RASGRF1: variants seen among roughly 807,000 people sequenced by gnomAD.
RASGRF1 encodes ras-specific guanine nucleotide-releasing factor 1.
Under a neutral mutation model 138.7 loss-of-function variants are expected in RASGRF1, and 40 were observed. The ratio of observed to expected loss-of-function variants is 0.29; its 90% CI spans 0.22 to 0.38. The LOEUF (loss-of-function observed/expected upper bound fraction) is 0.38. Ranked by LOEUF, RASGRF1 falls within the 10% of genes least tolerant of loss-of-function variation. RASGRF1 has a pLI of 1.00. For missense variants in RASGRF1, 1,108 were observed against 1,650.4 expected (o/e 0.67, Z 5.69); for synonymous variants, 614 against 663.2 (o/e 0.93, Z 1.14).
chr15:78,970,773 C>T (rs2055741235), intron 26 of RASGRF1, among the ~76,000 whole-genome samples: 1 of 151,304 alleles, frequency 6.6e-6, no homozygotes, highest in South Asian at 2.1e-4. Context: ...GACTAACATG[C>T]CAACCATTCT....
chr15:78,982,826 A>G (rs895347050), intron 23 of RASGRF1, among the ~76,000 whole-genome samples: 1 of 152,112 alleles, frequency 6.6e-6, no homozygotes, highest in African/African-American at 2.4e-5. Flanking sequence ...GCGACACACA[A>G]ATCCACGTTA....
At chr15:78,991,560 C>T (rs2056267352) in intron 21 of RASGRF1, 131 bp downstream of exon 21, 6 of 688,940 alleles carry the variant, frequency 8.7e-6, no homozygotes, top group Non-Finnish European at 1.5e-5. Flanking sequence ...ATTCTGCTGA[C>T]CCAGGCACTA....
intron 3 of RASGRF1, among the ~76,000 whole-genome samples, chr15:79,055,722 C>T (rs2057501991): frequency 6.6e-6 from 1 of 152,172 alleles, no homozygotes; most frequent in South Asian, 2.1e-4. Flanking sequence ...GCAACATAAA[C>T]CCACACCTCC....
intron 1 of RASGRF1, among the ~76,000 whole-genome samples, chr15:79,079,997 G>A (rs931740884): frequency 6.6e-6 from 1 of 152,194 alleles, no homozygotes; most frequent in Non-Finnish European, 1.5e-5. Flanking sequence ...ACTCATGGGG[G>A]CATGCCCTAT....
intron 21 of RASGRF1, 122 bp downstream of exon 21, chr15:78,991,569 T>C (rs2056267748): frequency 1.4e-6 from 1 of 738,864 alleles, no homozygotes; most frequent in East Asian, 2.6e-5. Context: ...ACCCAGGCAC[T>C]ATTGTTTCAA....
intron 1 of RASGRF1, among the ~76,000 whole-genome samples, chr15:79,066,759 G>C (rs1023699513): frequency 6.6e-6 from 1 of 152,196 alleles, no homozygotes; most frequent in Non-Finnish European, 1.5e-5. Context: ...AAGGATGCCA[G>C]GAAGACCCTC....
At chr15:79,002,518 A>G (rs2056553981) in intron 15 of RASGRF1, among the ~76,000 whole-genome samples, 1 of 152,182 alleles carries the variant, frequency 6.6e-6, no homozygotes, top group Non-Finnish European at 1.5e-5. Flanking sequence ...GCACATGCAC[A>G]CGCACACACA....
chr15:78,968,662 G>A (rs1337377050), intron 26 of RASGRF1, among the ~76,000 whole-genome samples: 4 of 152,154 alleles, frequency 2.6e-5, no homozygotes, highest in African/African-American at 9.7e-5. Flanking sequence ...ATATGCAGTA[G>A]TGTGTTGGAG....
intron 26 of RASGRF1, among the ~76,000 whole-genome samples, chr15:78,963,125 C>T (rs1171032606): frequency 1.3e-5 from 2 of 152,112 alleles, no homozygotes; most frequent in African/African-American, 2.4e-5. Flanking sequence ...CACTCCTGCT[C>T]TGAAGCATTT....
chr15:79,063,330 G>A (rs980112805), intron 2 of RASGRF1, among the ~76,000 whole-genome samples: 6 of 152,148 alleles, frequency 3.9e-5, no homozygotes, highest in African/African-American at 1.2e-4. Flanking sequence ...CCTTATCTCA[G>A]GGCCAATGTC....
rs769951084 is a variant in RASGRF1 at position 78,962,132 on chromosome 15, C to G, written c.*12G>C. The G allele has an allele frequency of 1.8e-5, 27 of 1,516,692 alleles. No homozygotes were observed. The Middle Eastern group carries it at 2.2e-3, about 124-fold the overall frequency. The allele number at this position is 1,516,692 out of a possible 1,614,324, so 94.0% of individuals were successfully genotyped here. A position where few individuals can be genotyped will look rare whatever the true frequency, so the allele number is the denominator to read the frequency against. On this transcript the variant is annotated 3_prime_UTR_variant, in exon 27 of 27. Transcript: ENST00000558480. The stretch of plus-strand genomic sequence containing the variant: ...GTCCCCGGGAGCAGCTGGGTCTGGG[C>G]TGGGCTCAGCTTCAGGTGGGGAGTT...
intron 15 of RASGRF1, 30 bp downstream of exon 15, chr15:79,003,772 G>A: frequency 6.4e-7 from 1 of 1,553,954 alleles, no homozygotes; most frequent in Non-Finnish European, 8.7e-7. Context: ...TGGGAGGCTG[G>A]GGGGCAGCTC....
At chr15:79,060,041 G>T (rs2057582123) in intron 2 of RASGRF1, among the ~76,000 whole-genome samples, 1 of 149,392 alleles carries the variant, frequency 6.7e-6, no homozygotes. Flanking sequence ...CGGTGTCTGA[G>T]GTTCAGTGAT....
chr15:79,016,824 G>A (rs1268564378), intron 12 of RASGRF1, among the ~76,000 whole-genome samples: 1 of 152,194 alleles, frequency 6.6e-6, no homozygotes, highest in Non-Finnish European at 1.5e-5. Flanking sequence ...TGGGGAGCAA[G>A]CAAGGGAAGC....
intron 5 of RASGRF1, among the ~76,000 whole-genome samples, chr15:79,038,361 G>C (rs551443135): frequency 1.3e-5 from 2 of 152,196 alleles, no homozygotes; most frequent in East Asian, 3.9e-4. Flanking sequence ...AACATCATAA[G>C]CTAGAATTAT....
In RASGRF1 at chr15:78,979,774, TGTGGCCTTGGACCGTCCAC is replaced by T. The variant is rs754043140; in HGVS notation, c.3494+827_3494+845del. On this transcript the variant is annotated intron_variant, in intron 24 of 26. Coordinates refer to ENST00000558480, the MANE Select transcript of RASGRF1 (RefSeq NM_001145648.3). ...CAGTCCTGGTGCTAGGCCACGGCCA[TGTGGCCTTGGACCGTCCAC>T]GTGGCCTTGGACCAGACACTAGCTC... Among the ~76,000 whole-genome samples the T allele has an allele frequency of 2.9e-4, 44 of 152,376 alleles. No homozygotes were observed. In the South Asian group the frequency reaches 2.9e-3, roughly 10 times the overall value.
At position 79,050,760 on chromosome 15, in the gene RASGRF1, G is replaced by T. The variant is rs1458234682; in HGVS notation, c.532-1172C>A. On this transcript the variant is annotated intron_variant, in intron 3 of 26. Coordinates refer to ENST00000558480, the MANE Select transcript of RASGRF1 (RefSeq NM_001145648.3). This position sits in a 1 kb window ranked among gnomAD's most constrained non-coding sequence, Gnocchi z 4.1. ...TGGGACTCATCCCATAGACAGGCCAGTGGTGTATCCTCCTGCGCAGGGCTC... is the reference window on the plus strand; with the variant it reads ...TGGGACTCATCCCATAGACAGGCCATTGGTGTATCCTCCTGCGCAGGGCTC... 1.3e-5 allele frequency among the ~76,000 whole-genome samples: 2 copies of T among 152,230 alleles called. No individual in the cohort carries two copies. Among genetic ancestry groups the T allele is most frequent in the African/African-American group, 4.8e-5 (2 of 41,454 alleles).
At chr15:78,990,536 C>T (rs1323335329) in intron 21 of RASGRF1, among the ~76,000 whole-genome samples, 2 of 152,178 alleles carry the variant, frequency 1.3e-5, no homozygotes, top group Non-Finnish European at 2.9e-5. Flanking sequence ...CAATCCTTTC[C>T]TCACAGGTTT....
chr15:79,018,787 G>A (rs909454431), intron 11 of RASGRF1, among the ~76,000 whole-genome samples: 4 of 152,172 alleles, frequency 2.6e-5, no homozygotes, highest in Non-Finnish European at 5.9e-5. Context: ...CTGTGTGTGG[G>A]TGTGTTTCAG....
Sources: allele counts gnomAD v4.1 joint callset (sites outside exome capture counted in the v4.1 genomes callset), GRCh38; gene constraint gnomAD v4.1.1; non-coding constraint Gnocchi (gnomAD v3.1); transcripts MANE v1.5; gene names NCBI Gene and HGNC (gene_info 2026-07-23, HGNC 2026-07-21).